The following ABLIM1 variants were observed in gnomAD, a reference collection of about 807,000 sequenced individuals.
ABLIM1 encodes actin-binding LIM protein 1.
ABLIM1 carries 40 observed loss-of-function variants against 107.0 expected under a neutral mutation model. The observed-to-expected ratio is 0.37, with a 90% CI of 0.29 to 0.49. The LOEUF (loss-of-function observed/expected upper bound fraction) is 0.49. Ranked by LOEUF, ABLIM1 falls within the 20% of genes least tolerant of loss-of-function variation. ABLIM1 has a pLI of 0.97. For missense variants in ABLIM1, 857 were observed against 1,008.5 expected (o/e 0.85, Z 2.04); for synonymous variants, 357 against 357.3 (o/e 1.00, Z 0.01).
intron 1 of ABLIM1, among the ~76,000 whole-genome samples, chr10:114,676,725 T>C (rs1566222674): frequency 6.6e-6 from 1 of 152,070 alleles, no homozygotes; most frequent in Non-Finnish European, 1.5e-5. Flanking sequence ...TTTAATCATA[T>C]GTATATAAAA....
chr10:114,622,841 A>T (rs2077553038), intron 1 of ABLIM1, among the ~76,000 whole-genome samples: 1 of 152,222 alleles, frequency 6.6e-6, no homozygotes. Context: ...ATGAACAGTA[A>T]ATATTGTACA....
At chr10:114,767,916 G>GC in intron 1 of ABLIM1, 2 of 310,436 alleles carry the variant, frequency 6.4e-6, no homozygotes, top group Non-Finnish European at 1.3e-5. Flanking sequence ...CCTGCCCCCG[G>GC]CCCCCGGCAG....
chr10:114,671,275 CT>C (rs2080243780), intron 1 of ABLIM1, among the ~76,000 whole-genome samples: 1 of 152,116 alleles, frequency 6.6e-6, no homozygotes, highest in East Asian at 1.9e-4. Context: ...GCAGTTTATT[CT>C]TTTTTATTTC....
intron 12 of ABLIM1, among the ~76,000 whole-genome samples, chr10:114,453,938 C>T (rs954603348): frequency 2.0e-5 from 3 of 152,152 alleles, no homozygotes; most frequent in African/African-American, 4.8e-5. Flanking sequence ...GAGGTTTCTC[C>T]GATCTGAAGG....
intron 2 of ABLIM1, among the ~76,000 whole-genome samples, chr10:114,577,885 C>T (rs906569074): frequency 6.6e-6 from 1 of 152,142 alleles, no homozygotes; most frequent in Non-Finnish European, 1.5e-5. Context: ...AGAAGGGGGG[C>T]CTATGATGCC....
chr10:114,502,998 C>G (rs1796664101), intron 6 of ABLIM1, among the ~76,000 whole-genome samples: 1 of 152,190 alleles, frequency 6.6e-6, no homozygotes, highest in African/African-American at 2.4e-5. Flanking sequence ...CAGTTTCCAT[C>G]AATAGAAGCA....
At chr10:114,441,998 C>T (rs1031565768) in intron 17 of ABLIM1, among the ~76,000 whole-genome samples, 8 of 152,016 alleles carry the variant, frequency 5.3e-5, no homozygotes, top group East Asian at 1.9e-4. Context: ...CAAGTCCACG[C>T]GGTTGAGTGG....
upstream of ABLIM1, among the ~76,000 whole-genome samples, chr10:114,769,443 GAAAGAAA>G (rs2082989252): frequency 8.0e-5 from 3 of 37,316 alleles, no homozygotes; most frequent in Non-Finnish European, 2.3e-4. Flanking sequence ...AAGAAAGAAA[GAAAGAAA>G]GAAAGAAAGA....
chr10:114,636,896 G>A (rs1300317044), intron 1 of ABLIM1, among the ~76,000 whole-genome samples: 1 of 152,086 alleles, frequency 6.6e-6, no homozygotes, highest in Admixed American at 6.6e-5. Context: ...AGCCAGAGGT[G>A]GTGGCGTGCA....
At chr10:114,716,410 AACACACACACACACACAC>A (rs56097544) in intron 1 of ABLIM1, among the ~76,000 whole-genome samples, 1 of 143,534 alleles carries the variant, frequency 7.0e-6, no homozygotes, top group Non-Finnish European at 1.5e-5. Flanking sequence ...GGTAGAGAGA[AACACACACACACACACAC>A]ACACACACAC....
chr10:114,527,005 A>ACTTT, intron 6 of ABLIM1: 1 of 981,298 alleles, frequency 1.0e-6, no homozygotes, highest in Non-Finnish European at 1.2e-6. Context: ...GAGTAGATTT[A>ACTTT]CTTTCTTTCT....
chr10:114,742,186 A>G (rs2082301303), intron 1 of ABLIM1, among the ~76,000 whole-genome samples: 1 of 152,340 alleles, frequency 6.6e-6, no homozygotes, highest in South Asian at 2.1e-4. Flanking sequence ...ATGCTCTAAG[A>G]TAAATAAAAA....
chr10:114,443,852 C>T (rs2060599123), intron 17 of ABLIM1, among the ~76,000 whole-genome samples, 177 bp downstream of exon 17: 1 of 151,974 alleles, frequency 6.6e-6, no homozygotes, highest in Non-Finnish European at 1.5e-5. Flanking sequence ...AGGAAACACA[C>T]ATTTATGGAA....
chr10:114,467,729 A>G (rs2065483111), intron 11 of ABLIM1, among the ~76,000 whole-genome samples: 2 of 152,218 alleles, frequency 1.3e-5, no homozygotes, highest in Non-Finnish European at 2.9e-5. Flanking sequence ...TAATATCCAG[A>G]AAGTTGCTTG....
chr10:114,590,847 C>CA (rs946082612), intron 2 of ABLIM1, among the ~76,000 whole-genome samples: 3 of 152,052 alleles, frequency 2.0e-5, no homozygotes, highest in African/African-American at 7.2e-5. Context: ...TTAATATGGA[C>CA]AAAAAAATTT....
exon 1 of ABLIM1, chr10:114,684,306 G>C: frequency 6.2e-7 from 1 of 1,614,040 alleles, no homozygotes; most frequent in Non-Finnish European, 8.5e-7. Context: ...AGTCTCCCAT[G>C]GTGTGATGAG....
intron 1 of ABLIM1, among the ~76,000 whole-genome samples, chr10:114,605,290 A>T (rs552584136): frequency 6.6e-6 from 1 of 152,222 alleles, no homozygotes; most frequent in African/African-American, 2.4e-5. Context: ...TTGTTACCAC[A>T]TGTATGTTTG....
At chr10:114,789,791 G>GT in the ABLIM1 span, among the ~76,000 whole-genome samples, 9,295 of 134,966 alleles carry the variant, frequency 0.069, 720 homozygotes, top group African/African-American at 0.19. Flanking sequence ...ATGTATATTT[G>GT]TTTTTTTTTT....
At chr10:114,649,719 CCCATCTGCTGA>C (rs1479589813) in intron 1 of ABLIM1, among the ~76,000 whole-genome samples, 1 of 152,114 alleles carries the variant, frequency 6.6e-6, no homozygotes, top group Admixed American at 6.5e-5. Flanking sequence ...GACAGAATCA[CCCATCTGCTGA>C]CCACGTATTC....
Sources: gnomAD v4.1 joint callset for allele counts (sites outside exome capture counted in the v4.1 genomes callset) on GRCh38, gnomAD v4.1.1 for gene constraint, MANE v1.5 for transcripts, NCBI Gene and HGNC (gene_info 2026-07-23, HGNC 2026-07-21) for gene names.